Variants in VAV2 observed in about 807,000 individuals in gnomAD.
VAV2 encodes guanine nucleotide exchange factor VAV2.
Under a neutral mutation model 132.5 loss-of-function variants are expected in VAV2, and 67 were observed. The observed-to-expected ratio is 0.51, with a 90% CI of 0.42 to 0.62. The LOEUF (loss-of-function observed/expected upper bound fraction) is 0.62, where lower values mean the gene tolerates loss of function less well. Ranked by LOEUF, VAV2 falls within the 20% of genes least tolerant of loss-of-function variation. VAV2 has a pLI of 0.00. For missense variants in VAV2, 938 were observed against 1,153.6 expected (o/e 0.81, Z 2.71); for synonymous variants, 492 against 443.5 (o/e 1.11, Z -1.37).
intron 3 of VAV2, among the ~76,000 whole-genome samples, chr9:133,858,646 T>A (rs1837476282): frequency 6.6e-6 from 1 of 152,212 alleles, no homozygotes; most frequent in African/African-American, 2.4e-5. Flanking sequence ...GGCCGAGCCC[T>A]GAGCCCTGGG....
intron 3 of VAV2, among the ~76,000 whole-genome samples, chr9:133,846,142 G>C (rs777420582): frequency 3.3e-5 from 5 of 152,232 alleles, no homozygotes; most frequent in Admixed American, 6.5e-5. Flanking sequence ...AGAAGACACT[G>C]AGGCCCAGAG....
rs1035579950 is a variant in VAV2, at chr9:133,903,020, A to G, written c.321+36083T>C. On this transcript the variant is annotated intron_variant, in intron 2 of 29. Transcript: ENST00000371850. ...AACCCGGGAAGTAGAGGTTGTAGTG[A>G]GCCAAGATCAGGCCACTGCACTCCA... Among the ~76,000 whole-genome samples the G allele has an allele frequency of 9.3e-5, 14 of 150,858 alleles. No individual in the cohort carries two copies. The East Asian group carries it at 2.7e-3, about 30-fold the overall frequency.
Position 133,770,499 on chromosome 9 carries a change from C to T in VAV2, c.2226G>A (p.Glu742=), listed in dbSNP as rs756564531. 9.3e-6 allele frequency: 15 copies of T among 1,613,976 alleles called. No individual in the cohort carries two copies. The highest frequency in any genetic ancestry group is 6.7e-5 in the Admixed American group (4 of 60,026). The change falls in exon 27 of 30, where the codon GAG becomes GAA. Residue 742 remains glutamate, a splice_region_variant and synonymous_variant. Transcript: ENST00000371850. ...AGTGGCACTGGTAGTACTCCACCAA[C>T]TCCTGCAGGGCGTACACACTCACTG... The part of the protein sequence containing the change: ...TEAKKFDSLL[E]LVEYYQCHSL...
At chr9:133,887,143 T>TGA (rs1390738317) in intron 2 of VAV2, among the ~76,000 whole-genome samples, 5 of 151,760 alleles carry the variant, frequency 3.3e-5, no homozygotes, top group African/African-American at 7.3e-5. Flanking sequence ...TGGGGCAGGG[T>TGA]GAGGTAGGGG....
At chr9:133,979,498 C>T (rs988754456) in intron 1 of VAV2, among the ~76,000 whole-genome samples, 1 of 152,176 alleles carries the variant, frequency 6.6e-6, no homozygotes, top group Non-Finnish European at 1.5e-5. Context: ...CAGGAAGGAG[C>T]GGACGCCGCA....
At position 133,843,250 on chromosome 9, in the gene VAV2, C is replaced by T. The variant is rs372342857; in HGVS notation, c.381-8910G>A. On this transcript the variant is annotated intron_variant, in intron 3 of 29. Transcript: ENST00000371850. ...GTGCAGGGAGCACGCAGAGACAGCT[C>T]GGGGTGGCAGGGAGTCTGAACCTGG... 3.9e-5 allele frequency among the ~76,000 whole-genome samples: 6 copies of T among 152,238 alleles called. No homozygotes were observed. The East Asian group carries it at 5.8e-4, about 15-fold the overall frequency.
chr9:133,839,828 T>A (rs1430075232), intron 3 of VAV2, among the ~76,000 whole-genome samples: 1 of 152,208 alleles, frequency 6.6e-6, no homozygotes, highest in African/African-American at 2.4e-5. Context: ...AGGGACTTTG[T>A]AAACACTGAC....
intron 2 of VAV2, among the ~76,000 whole-genome samples, chr9:133,915,970 TACAC>T (rs60490411): frequency 0.46 from 65,527 of 143,532 alleles, 16,393 homozygotes; most frequent in Non-Finnish European, 0.57. Flanking sequence ...CACGTACACA[TACAC>T]ACTCACACGA....
Position 133,919,455 on chromosome 9 carries a change from C to G in VAV2, c.321+19648G>C, listed in dbSNP as rs1306858445. ...ACTGGACAGCCCTGGGTGAGGGGTT[C>G]CAGGAGCCCAGGTGTCCCGGCTCCC... is the stretch of plus-strand genomic sequence containing the variant. On this transcript the variant is annotated intron_variant, in intron 2 of 29. Coordinates refer to ENST00000371850, the MANE Select transcript of VAV2 (RefSeq NM_001134398.2). The surrounding 1 kb of genome is among the most constrained non-coding windows in gnomAD (Gnocchi z 5.8). Among the ~76,000 whole-genome samples, 1 of 152,194 alleles carries G rather than the reference C, an allele frequency of 6.6e-6. No homozygotes were observed. The highest frequency in any genetic ancestry group is 2.4e-5 in the African/African-American group (1 of 41,444).
rs777923793 is a variant in VAV2, at chr9:133,939,145, C to T, written c.279G>A (p.Leu93=). The T allele has an allele frequency of 5.0e-6, 8 of 1,614,250 alleles. No individual in the cohort carries two copies. The highest frequency in any genetic ancestry group is 5.9e-6 in the Non-Finnish European group (7 of 1,180,036). The stretch of plus-strand genomic sequence containing the variant: ...CATCGAAGAGGTCAAAGGGGTCAAA[C>T]AGCTCGCTGTTCCTTAATCCAAATT... ...HDKFGLRNSE[L]FDPFDLFDVR... Residue 93 remains leucine (L), a synonymous_variant, in exon 2 of 30, where the codon CTG becomes CTA. Transcript: ENST00000371850.
chr9:133,789,234 G>C (rs763411579), intron 14 of VAV2, 24 bp downstream of exon 14: 1 of 1,612,728 alleles, frequency 6.2e-7, no homozygotes, highest in Non-Finnish European at 8.5e-7. Flanking sequence ...ACGCCACCCA[G>C]CCCACAACAC....
intron 2 of VAV2, among the ~76,000 whole-genome samples, chr9:133,900,304 G>T (rs529217835): frequency 5.3e-5 from 8 of 152,242 alleles, no homozygotes; most frequent in African/African-American, 1.7e-4. Context: ...TAATACTGGG[G>T]CTCAGAAAAC....
chr9:133,954,630 G>C (rs145249866), intron 1 of VAV2, among the ~76,000 whole-genome samples: 3 of 152,242 alleles, frequency 2.0e-5, no homozygotes, highest in Non-Finnish European at 4.4e-5. Flanking sequence ...TGGGGCGGGC[G>C]GGGGATGCTG....
In VAV2 at chr9:133,775,033, C is replaced by T; in HGVS notation, c.2037G>A (p.Glu679=). The change falls in exon 25 of 30, where the codon GAG becomes GAA. Residue 679 remains glutamate (E), a synonymous_variant. Coordinates refer to ENST00000371850, the MANE Select transcript of VAV2 (RefSeq NM_001134398.2). ...TAYPWFAGNM[E]RQQTDNLLKS... ...TGAGCAGGTTGTCCGTCTGCTGCCTCTCCATGTTACCTGCAAACCTACAGG... is the reference window on the plus strand; with the variant it reads ...TGAGCAGGTTGTCCGTCTGCTGCCTTTCCATGTTACCTGCAAACCTACAGG... The T allele has an allele frequency of 6.2e-7, 1 of 1,610,908 alleles. No individual in the cohort carries two copies. Among genetic ancestry groups the T allele is most frequent in the Non-Finnish European group, 8.5e-7 (1 of 1,178,692 alleles).
intron 1 of VAV2, among the ~76,000 whole-genome samples, chr9:133,977,600 G>A (rs1347620961): frequency 6.6e-6 from 1 of 152,156 alleles, no homozygotes; most frequent in Non-Finnish European, 1.5e-5. Flanking sequence ...ATGACAGGCG[G>A]TCCATCCCCA....
At chr9:133,922,945 A>T (rs1840346666) in intron 2 of VAV2, among the ~76,000 whole-genome samples, 1 of 152,214 alleles carries the variant, frequency 6.6e-6, no homozygotes, top group African/African-American at 2.4e-5. Flanking sequence ...TTTGCAAACC[A>T]TGTCTCTCAT....
chr9:133,805,133 G>A (rs1453426313), intron 9 of VAV2, among the ~76,000 whole-genome samples: 3 of 152,132 alleles, frequency 2.0e-5, no homozygotes, highest in African/African-American at 4.8e-5. Context: ...GCCACCTGGC[G>A]GGTGATGCAG....
chr9:133,775,079 G>A (rs1300630661), intron 24 of VAV2, 28 bp from the exon 25 acceptor site: 13 of 1,563,330 alleles, frequency 8.3e-6, no homozygotes, highest in East Asian at 2.4e-5. Context: ...GAGGAAACGA[G>A]AGCCGCAGTG....
At chr9:133,790,986 G>A (rs772547471) in intron 13 of VAV2, among the ~76,000 whole-genome samples, 1 of 152,162 alleles carries the variant, frequency 6.6e-6, no homozygotes, top group Non-Finnish European at 1.5e-5. Context: ...ACTTGAGGGG[G>A]TGGGGGTGCT....
Sources: allele counts gnomAD v4.1 joint callset (sites outside exome capture counted in the v4.1 genomes callset), GRCh38; gene constraint gnomAD v4.1.1; non-coding constraint Gnocchi (gnomAD v3.1); transcripts MANE v1.5; gene names NCBI Gene and HGNC (gene_info 2026-07-23, HGNC 2026-07-21).